INTS8: variants seen among roughly 807,000 people sequenced by gnomAD.
INTS8 encodes protein kaonashi-1.
A neutral mutation model predicts 138.9 loss-of-function variants in INTS8; 47 were observed. The observed-to-expected ratio is 0.34, with a 90% CI of 0.27 to 0.43. The LOEUF (loss-of-function observed/expected upper bound fraction) is 0.43, where lower values mean the gene tolerates loss of function less well. Among genes scored for constraint, INTS8 ranks in the 20% least tolerant of loss-of-function variants. The pLI is 1.00. For synonymous variants in INTS8, 392 were observed against 400.9 expected (o/e 0.98, Z 0.27); for missense variants, 996 against 1,173.0 (o/e 0.85, Z 2.20).
chr8:94,860,456 T>G (rs2131048587), intron 16 of INTS8: 1 of 151,842 alleles, frequency 6.6e-6, no homozygotes. Context: ...GGCAGGTGCC[T>G]GTAGTCCTAG....
At chr8:94,863,652 A>G (rs943435957) in intron 16 of INTS8, among the ~76,000 whole-genome samples, 1 of 152,226 alleles carries the variant, frequency 6.6e-6, no homozygotes, top group Non-Finnish European at 1.5e-5. Context: ...TAGGTGCTCA[A>G]GAATGTTTGT....
At chr8:94,866,073 A>G in intron 17 of INTS8, 85 bp from the exon 18 acceptor site, 1 of 620,394 alleles carries the variant, frequency 1.6e-6, no homozygotes. Context: ...AGCATTAAGA[A>G]TAAACCTTCA....
chr8:94,872,082 T>C, intron 21 of INTS8, 80 bp downstream of exon 21: 2 of 671,528 alleles, frequency 3.0e-6, no homozygotes, highest in Non-Finnish European at 5.2e-6. Flanking sequence ...ACCTATTTTA[T>C]TTCAATACTT....
rs796569556 is a variant in INTS8, at chr8:94,859,622, C to A, written c.2066C>A (p.Pro689Gln). 6.2e-7 allele frequency: 1 copy of A among 1,607,762 alleles called. No homozygotes were observed. The highest frequency in any genetic ancestry group is 8.5e-7 in the Non-Finnish European group (1 of 1,174,818). Residue 689 changes from proline to glutamine, a missense_variant, in exon 16 of 27, where the codon CCA (proline) becomes CAA (glutamine). By Grantham distance (76) the Pro-to-Gln change is moderately conservative. Transcript: ENST00000523731. ...QVPAFLLQSN[P>Q]YVKLGQLLAA... ...CCTGCATTTTTGCTTCAGAGTAATCCATATGTAAAGGTAGTTAATGTTTAA... is the reference window on the plus strand; with the variant it reads ...CCTGCATTTTTGCTTCAGAGTAATCAATATGTAAAGGTAGTTAATGTTTAA...
At chr8:94,824,184 T>C (rs761559012) in intron 1 of INTS8, among the ~76,000 whole-genome samples, 9 of 152,160 alleles carry the variant, frequency 5.9e-5, no homozygotes, top group Non-Finnish European at 1.3e-4. Context: ...ACTCCAGGCA[T>C]TCTCAAAAAA....
At chr8:94,877,856 G>C (rs1041460229) in intron 26 of INTS8, among the ~76,000 whole-genome samples, 11 of 152,050 alleles carry the variant, frequency 7.2e-5, no homozygotes, top group Non-Finnish European at 1.6e-4. Context: ...ATTGAGTTTT[G>C]TGACATTTTT....
intron 7 of INTS8, 48 bp downstream of exon 7, chr8:94,836,679 C>T (rs1814938075): frequency 1.7e-6 from 2 of 1,165,818 alleles, no homozygotes; most frequent in Non-Finnish European, 2.5e-6. Flanking sequence ...TTTAAAACAT[C>T]TATACATTTT....
intron 6 of INTS8, among the ~76,000 whole-genome samples, chr8:94,835,424 T>C (rs1814885225): frequency 6.6e-6 from 1 of 152,166 alleles, no homozygotes; most frequent in African/African-American, 2.4e-5. Flanking sequence ...TACATACAAA[T>C]TCTGTCATAG....
intron 9 of INTS8, among the ~76,000 whole-genome samples, chr8:94,841,998 G>A (rs1487813085): frequency 6.6e-6 from 1 of 151,952 alleles, no homozygotes; most frequent in East Asian, 1.9e-4. Context: ...GAACCCAGGA[G>A]GTGGAGGTTG....
intron 15 of INTS8, among the ~76,000 whole-genome samples, chr8:94,858,740 A>C (rs1390043441): frequency 3.9e-5 from 6 of 152,168 alleles, no homozygotes; most frequent in Admixed American, 1.3e-4. Flanking sequence ...CTATGACTGT[A>C]CTCCAGCCCA....
chr8:94,881,543 G>A lies in INTS8; in HGVS notation c.*1309G>A. 7.4e-7 allele frequency: 1 copy of A among 1,355,624 alleles called. No individual in the cohort carries two copies. The highest frequency in any genetic ancestry group is 1.0e-6 in the Non-Finnish European group (1 of 975,812). 84.0% of individuals were successfully genotyped at this position (1,355,624 alleles called of 1,614,324 possible). ...GAATTGGCTAGGGCAATCAATCACA[G>A]CACTACTTTCTGTAAAACTTTAGTA... On this transcript the variant is annotated 3_prime_UTR_variant, in exon 27 of 27. Coordinates refer to ENST00000523731, the MANE Select transcript of INTS8 (RefSeq NM_017864.4).
chr8:94,834,064 A>G (rs1029218732), intron 6 of INTS8, among the ~76,000 whole-genome samples: 4 of 152,152 alleles, frequency 2.6e-5, no homozygotes, highest in African/African-American at 9.7e-5. Flanking sequence ...GAGCCACCAG[A>G]TCATATCTAA....
intron 10 of INTS8, 57 bp downstream of exon 10, chr8:94,842,545 G>A (rs1324533314): frequency 1.4e-6 from 2 of 1,406,976 alleles, no homozygotes; most frequent in African/African-American, 1.4e-5. Flanking sequence ...GCTTACCAGT[G>A]ACCTCTTAAT....
At chr8:94,841,814 TC>T (rs981188968) in intron 9 of INTS8, among the ~76,000 whole-genome samples, 1 of 152,128 alleles carries the variant, frequency 6.6e-6, no homozygotes, top group African/African-American at 2.4e-5. Flanking sequence ...ATGCCTATAA[TC>T]CCAGCACTTT....
Position 94,848,013 on chromosome 8 carries a change from C to CTTTTTTTTTTTTTTTTTTTT in INTS8, c.1261-1436_1261-1435insTTTTTTTTTTTTTTTTTTTT, listed in dbSNP as rs58388097. The stretch of plus-strand genomic sequence containing the variant: ...TGAACATAGCACTTTTAAAACACTG[C>CTTTTTTTTTTTTTTTTTTTT]TTTTTTTTTTTTTGAGATGGAGTCT... On this transcript the variant is annotated intron_variant, in intron 10 of 26. Transcript: ENST00000523731. Among the ~76,000 whole-genome samples the CTTTTTTTTTTTTTTTTTTTT allele has an allele frequency of 3.7e-3, 477 of 129,814 alleles. 22 individuals carry two copies. Among genetic ancestry groups the CTTTTTTTTTTTTTTTTTTTT allele is most frequent in the Non-Finnish European group, 5.5e-3 (330 of 60,338 alleles). The allele number at this position is 129,814 out of a possible 152,430, so 85.2% of individuals were successfully genotyped here. A position where few individuals can be genotyped will look rare whatever the true frequency, so the allele number is the denominator to read the frequency against.
At chr8:94,824,679 C>T (rs1172072373) in intron 1 of INTS8, among the ~76,000 whole-genome samples, 1 of 150,910 alleles carries the variant, frequency 6.6e-6, no homozygotes, top group East Asian at 1.9e-4. Flanking sequence ...ACCACTCTTC[C>T]GCATCTCCTT....
chr8:94,880,931 T>TTATC lies in INTS8; in HGVS notation c.*699_*702dup. ...CCCAGTTAGGAAGGAGCCACAGCAT[T>TTATC]TATCTTGTTTATAATTTCTTTGGTA... On this transcript the variant is annotated 3_prime_UTR_variant, in exon 27 of 27. Coordinates refer to ENST00000523731, the MANE Select transcript of INTS8 (RefSeq NM_017864.4). The TTATC allele has an allele frequency of 5.0e-6, 2 of 398,796 alleles. No homozygotes were observed. Among genetic ancestry groups the TTATC allele is most frequent in the Non-Finnish European group, 4.4e-6 (1 of 225,916 alleles). The allele number at this position is 398,796 out of a possible 1,614,324, so 24.7% of individuals were successfully genotyped here.
intron 10 of INTS8, among the ~76,000 whole-genome samples, chr8:94,844,910 G>A (rs139055847): frequency 0.034 from 5,197 of 151,806 alleles, 95 homozygotes; most frequent in Non-Finnish European, 0.04. Flanking sequence ...GTGCCACCAC[G>A]CCTGGCTAAT....
At chr8:94,828,917 A>C (rs1452029555) in intron 4 of INTS8, 58 bp from the exon 5 acceptor site, 1 of 1,131,618 alleles carries the variant, frequency 8.8e-7, no homozygotes. Flanking sequence ...TAAGTTTTGA[A>C]TTTTTTAGTC....
Sources: allele counts gnomAD v4.1 joint callset (sites outside exome capture counted in the v4.1 genomes callset), GRCh38; gene constraint gnomAD v4.1.1; transcripts MANE v1.5; gene names NCBI Gene and HGNC (gene_info 2026-07-23, HGNC 2026-07-21).